Variants in NCAM1 observed in about 807,000 individuals in gnomAD.
The protein encoded by NCAM1 is antigen recognized by monoclonal antibody 5.1H11.
Under a neutral mutation model 109.8 loss-of-function variants are expected in NCAM1, and 14 were observed. The ratio of observed to expected loss-of-function variants is 0.13; its 90% CI spans 0.08 to 0.20. The LOEUF (loss-of-function observed/expected upper bound fraction) is 0.20. Ranked by LOEUF, NCAM1 falls within the 10% of genes least tolerant of loss-of-function variation. NCAM1 has a pLI of 1.00. For missense variants in NCAM1, 774 were observed against 1,109.9 expected (o/e 0.70, Z 4.30); for synonymous variants, 418 against 442.9 (o/e 0.94, Z 0.70).
intron 1 of NCAM1, among the ~76,000 whole-genome samples, chr11:113,176,193 C>T (rs1255113302): frequency 6.6e-6 from 1 of 152,176 alleles, no homozygotes; most frequent in Non-Finnish European, 1.5e-5. Flanking sequence ...CAGGTCCCTT[C>T]ACCAACTGCA....
At chr11:113,152,644 G>T (rs1555102669) in intron 1 of NCAM1, among the ~76,000 whole-genome samples, 1 of 152,208 alleles carries the variant, frequency 6.6e-6, no homozygotes, top group Non-Finnish European at 1.5e-5. Flanking sequence ...TGGAGCATTT[G>T]TAACTGTTAC....
At chr11:113,171,155 A>G (rs1007793343) in intron 1 of NCAM1, among the ~76,000 whole-genome samples, 23 of 152,172 alleles carry the variant, frequency 1.5e-4, no homozygotes, top group African/African-American at 5.6e-4. Flanking sequence ...GGTGGATGTT[A>G]TTATCTTCAT....
At chr11:113,136,751 G>A (rs1319430884) in intron 1 of NCAM1, among the ~76,000 whole-genome samples, 2 of 152,158 alleles carry the variant, frequency 1.3e-5, no homozygotes, top group Non-Finnish European at 2.9e-5. Flanking sequence ...AGCAGTGCAG[G>A]AGGCTGGGCT....
intron 1 of NCAM1, among the ~76,000 whole-genome samples, chr11:112,975,794 T>G (rs889071345): frequency 6.6e-6 from 1 of 152,056 alleles, no homozygotes; most frequent in Non-Finnish European, 1.5e-5. Flanking sequence ...TAACTGGTCA[T>G]GAAGGCAGTT....
intron 9 of NCAM1, 122 bp from the exon 10 acceptor site, chr11:113,231,523 G>A (rs1945005142): frequency 1.9e-6 from 2 of 1,054,258 alleles, no homozygotes; most frequent in Admixed American, 2.3e-5. Flanking sequence ...GAGGAGAGAG[G>A]AAGTGAGACG....
At chr11:113,092,875 C>A (rs891233754) in intron 1 of NCAM1, among the ~76,000 whole-genome samples, 3 of 152,166 alleles carry the variant, frequency 2.0e-5, no homozygotes, top group Non-Finnish European at 4.4e-5. Context: ...ACAATTGCTC[C>A]TTCACAGCAG....
rs74805372 is a variant in NCAM1, at chr11:113,252,574, T to C, written c.1829-3303T>C. 3.1e-3 allele frequency among the ~76,000 whole-genome samples: 467 copies of C among 152,248 alleles called. 5 individuals are homozygous for C. The highest frequency in any genetic ancestry group is 0.011 in the African/African-American group (442 of 41,532). ...AATAGACTACCTGGGACCTAGTAGA[T>C]ACTCAGTACACATCTGTTGAATAAA... On this transcript the variant is annotated intron_variant, in intron 15 of 19. Transcript: ENST00000316851.
intron 1 of NCAM1, among the ~76,000 whole-genome samples, chr11:112,995,111 T>G (rs79535449): frequency 0.01 from 1,528 of 152,218 alleles, 24 homozygotes; most frequent in African/African-American, 0.034. Context: ...AATAAATGCT[T>G]TCGTACCTAC....
chr11:113,225,927 A>T (rs543542323), intron 9 of NCAM1, among the ~76,000 whole-genome samples: 87 of 152,350 alleles, frequency 5.7e-4, no homozygotes, highest in African/African-American at 2.0e-3. Context: ...GAGCTCCTGA[A>T]GGAAGCACTA....
rs924746698 is a variant in NCAM1 at position 112,962,568 on chromosome 11, C to T, written c.52+904C>T. On this transcript the variant is annotated intron_variant, in intron 1 of 19. Coordinates refer to ENST00000316851, the MANE Select transcript of NCAM1 (RefSeq NM_181351.5). This position sits in a 1 kb window ranked among gnomAD's most constrained non-coding sequence, Gnocchi z 5.6. Reference sequence around the variant, plus strand: ...GTCTCCTTTCTTTGGGCGAGGTTCCCGATCCTGGCAAAGTGTGAACAATAG... The same window carrying T: ...GTCTCCTTTCTTTGGGCGAGGTTCCTGATCCTGGCAAAGTGTGAACAATAG... Among the ~76,000 whole-genome samples the T allele has an allele frequency of 1.3e-5, 2 of 152,060 alleles. No homozygotes were observed. Among genetic ancestry groups the T allele is most frequent in the African/African-American group, 2.4e-5 (1 of 41,412 alleles).
chr11:113,209,173 G>A (rs1305412811), intron 7 of NCAM1, among the ~76,000 whole-genome samples: 1 of 152,248 alleles, frequency 6.6e-6, no homozygotes, highest in Admixed American at 6.5e-5. Context: ...CAGCTCTGGT[G>A]CATGGAGCCC....
intron 1 of NCAM1, among the ~76,000 whole-genome samples, chr11:112,993,875 T>C (rs1951528419): frequency 6.6e-6 from 1 of 152,216 alleles, no homozygotes; most frequent in Admixed American, 6.5e-5. Flanking sequence ...CTGAAGTTTT[T>C]TTAGTGTCTG....
intron 1 of NCAM1, among the ~76,000 whole-genome samples, chr11:113,089,274 C>A (rs551129494): frequency 1.1e-4 from 16 of 152,152 alleles, no homozygotes; most frequent in Admixed American, 7.2e-4. Context: ...CCACTGCACT[C>A]CAGCCTGGGT....
rs186350839 is a variant in NCAM1, at chr11:113,034,165, G to A, written c.52+72501G>A. On this transcript the variant is annotated intron_variant, in intron 1 of 19. Transcript: ENST00000316851. ...CAGCTTAACTCACTCACATGTCCTGGGGGTCAGTTTCTTTCTCTGTCTGTT... is the reference window on the plus strand; with the variant it reads ...CAGCTTAACTCACTCACATGTCCTGAGGGTCAGTTTCTTTCTCTGTCTGTT... Among the ~76,000 whole-genome samples the A allele has an allele frequency of 1.4e-4, 21 of 152,240 alleles. No individual in the cohort carries two copies. In the East Asian group the frequency reaches 3.9e-3, roughly 28 times the overall value.
intron 1 of NCAM1, among the ~76,000 whole-genome samples, chr11:113,052,981 C>T (rs2135417671): frequency 6.6e-6 from 1 of 152,262 alleles, no homozygotes; most frequent in African/African-American, 2.4e-5. Flanking sequence ...AGTTGCATTT[C>T]CTAGGGCTCC....
At chr11:113,253,647 C>T (rs1225236847) in intron 15 of NCAM1, among the ~76,000 whole-genome samples, 4 of 152,164 alleles carry the variant, frequency 2.6e-5, no homozygotes, top group Non-Finnish European at 2.9e-5. Flanking sequence ...TAGGAACGTG[C>T]AGCCAGGGAG....
intron 13 of NCAM1, 71 bp from the exon 14 acceptor site, chr11:113,234,962 C>A: frequency 6.7e-7 from 1 of 1,482,750 alleles, no homozygotes; most frequent in Non-Finnish European, 9.0e-7. Flanking sequence ...AGGACCCTCC[C>A]TACTGTTTTT....
At chr11:112,967,658 G>A (rs888420825) in intron 1 of NCAM1, among the ~76,000 whole-genome samples, 3 of 152,158 alleles carry the variant, frequency 2.0e-5, no homozygotes, top group Admixed American at 6.5e-5. Context: ...TATGGATCTG[G>A]AAAAAATAAT....
chr11:113,134,003 T>C (rs1412937162), intron 1 of NCAM1: 1 of 152,082 alleles, frequency 6.6e-6, no homozygotes, highest in Non-Finnish European at 1.5e-5. Context: ...AAAAAACATA[T>C]AAAATTGACC....
Sources: allele counts gnomAD v4.1 joint callset (sites outside exome capture counted in the v4.1 genomes callset), GRCh38; gene constraint gnomAD v4.1.1; non-coding constraint Gnocchi (gnomAD v3.1); transcripts MANE v1.5; gene names NCBI Gene and HGNC (gene_info 2026-07-23, HGNC 2026-07-21).